Variants in TRAF3 observed in about 807,000 individuals in gnomAD.
TRAF3 encodes the protein TNF receptor associated factor 3.
TRAF3 carries 13 observed loss-of-function variants against 62.3 expected under a neutral mutation model. That is an observed-to-expected ratio of 0.21 (90% CI 0.14 to 0.33). The LOEUF (loss-of-function observed/expected upper bound fraction) is 0.33, where lower values mean the gene tolerates loss of function less well. Among genes scored for constraint, TRAF3 ranks in the 10% least tolerant of loss-of-function variants. TRAF3 has a pLI of 1.00. For missense variants in TRAF3, 440 were observed against 741.8 expected (o/e 0.59, Z 4.73); for synonymous variants, 269 against 283.4 (o/e 0.95, Z 0.51).
At chr14:102,852,957 A>G (rs971803040) in intron 2 of TRAF3, among the ~76,000 whole-genome samples, 15 of 152,154 alleles carry the variant, frequency 9.9e-5, no homozygotes, top group African/African-American at 3.4e-4. Flanking sequence ...GCAGCGGCAC[A>G]ATCTCGGCTT....
At chr14:102,878,620 G>T (rs1253252445) in intron 6 of TRAF3, among the ~76,000 whole-genome samples, 1 of 152,166 alleles carries the variant, frequency 6.6e-6, no homozygotes, top group Non-Finnish European at 1.5e-5. Context: ...GTGTAACATC[G>T]GGTAGTGATC....
intron 2 of TRAF3, among the ~76,000 whole-genome samples, chr14:102,856,766 A>G (rs1887397385): frequency 6.6e-6 from 1 of 152,088 alleles, no homozygotes; most frequent in South Asian, 2.1e-4. Flanking sequence ...TAACAGTCGT[A>G]GAGGGACAAA....
chr14:102,851,511 G>T (rs189156031), intron 2 of TRAF3, among the ~76,000 whole-genome samples: 151 of 152,310 alleles, frequency 9.9e-4, no homozygotes, highest in African/African-American at 3.6e-3. Flanking sequence ...TTGGGAGGCC[G>T]AGGTGGGCGG....
chr14:102,891,706 C>G (rs1889724312), intron 9 of TRAF3, among the ~76,000 whole-genome samples: 1 of 151,792 alleles, frequency 6.6e-6, no homozygotes, highest in Non-Finnish European at 1.5e-5. Context: ...CCCCACCCTG[C>G]TGTTTTTTTT....
chr14:102,831,118 C>A (rs1392775212), intron 2 of TRAF3, among the ~76,000 whole-genome samples: 9 of 152,176 alleles, frequency 5.9e-5, no homozygotes, highest in Admixed American at 5.9e-4. Flanking sequence ...TCTCCCTATT[C>A]TTCTCACATG....
At chr14:102,895,703 G>A (rs184908586) in intron 9 of TRAF3, among the ~76,000 whole-genome samples, 26 of 152,316 alleles carry the variant, frequency 1.7e-4, no homozygotes, top group East Asian at 9.6e-4. Context: ...AGAAACCCTC[G>A]TTGGAGTTAC....
chr14:102,868,785 TA>T (rs1426931923), intron 2 of TRAF3, among the ~76,000 whole-genome samples: 1 of 152,230 alleles, frequency 6.6e-6, no homozygotes, highest in African/African-American at 2.4e-5. Flanking sequence ...GTGTAATTTT[TA>T]CTAAAGCTCA....
chr14:102,905,499 T>C lies in TRAF3; in HGVS notation c.1422T>C (p.Phe474=), dbSNP rs756286665. 1 of 1,614,214 alleles carries C rather than the reference T, an allele frequency of 6.2e-7. No individual in the cohort carries two copies. The highest frequency in any genetic ancestry group is 1.1e-5 in the South Asian group (1 of 91,082). ...GGAAGGGGACGCACTTGTCGCTGTT[T>C]TTTGTCATCATGCGTGGAGAATATG... ...GMGKGTHLSL[F]FVIMRGEYDA... Residue 474 remains phenylalanine, a synonymous_variant, in exon 12 of 12, where the codon TTT becomes TTC. Coordinates refer to ENST00000392745, the MANE Select transcript of TRAF3 (RefSeq NM_145725.3).
chr14:102,840,945 C>T (rs1886340112), intron 2 of TRAF3, among the ~76,000 whole-genome samples: 1 of 152,162 alleles, frequency 6.6e-6, no homozygotes, highest in African/African-American at 2.4e-5. Flanking sequence ...CTATAAAGGG[C>T]TGTATAGTAA....
intron 1 of TRAF3, among the ~76,000 whole-genome samples, chr14:102,824,395 C>T (rs1900167772): frequency 1.3e-5 from 2 of 152,328 alleles, no homozygotes; most frequent in South Asian, 4.1e-4. Flanking sequence ...TGTATCTAAG[C>T]CAAATAAATT....
chr14:102,876,213 A>G (rs900973923), intron 5 of TRAF3, 145 bp from the exon 6 acceptor site: 2 of 804,282 alleles, frequency 2.5e-6, no homozygotes, highest in Admixed American at 4.2e-5. Context: ...CTCTTGGCAT[A>G]CTTGTTACTC....
chr14:102,779,800 C>CT (rs1897195954), intron 1 of TRAF3, among the ~76,000 whole-genome samples: 1 of 152,244 alleles, frequency 6.6e-6, no homozygotes, highest in Admixed American at 6.5e-5. Flanking sequence ...TTGCCCAACT[C>CT]TATTTTCTCA....
intron 1 of TRAF3, among the ~76,000 whole-genome samples, chr14:102,778,338 C>A (rs1021388074): frequency 2.6e-5 from 4 of 152,074 alleles, no homozygotes; most frequent in East Asian, 3.9e-4. Flanking sequence ...GCCGGTTCCA[C>A]GCCGCCAGCC....
chr14:102,834,750 AAGATGGATT>A (rs2139648766), intron 2 of TRAF3, among the ~76,000 whole-genome samples: 1 of 151,984 alleles, frequency 6.6e-6, no homozygotes, highest in African/African-American at 2.4e-5. Context: ...AAATCAACAA[AAGATGGATT>A]AAAGACTGAA....
At chr14:102,898,679 G>T (rs1460791742) in intron 10 of TRAF3, among the ~76,000 whole-genome samples, 2 of 152,250 alleles carry the variant, frequency 1.3e-5, no homozygotes, top group Non-Finnish European at 2.9e-5. Flanking sequence ...CAAAAAGTTA[G>T]AATATACACA....
chr14:102,796,215 AAAAC>A (rs762972026), intron 1 of TRAF3, among the ~76,000 whole-genome samples: 16 of 152,368 alleles, frequency 1.1e-4, no homozygotes, highest in Middle Eastern at 3.4e-3. Flanking sequence ...GACTGTCTCA[AAAAC>A]AAACAAACAA....
intron 1 of TRAF3, among the ~76,000 whole-genome samples, chr14:102,823,006 C>CA (rs113907707): frequency 0.24 from 30,681 of 128,622 alleles, 3,414 homozygotes; most frequent in East Asian, 0.41. Context: ...AACTCCATCT[C>CA]AAAAAAAAAA....
Position 102,905,854 on chromosome 14 carries a change from T to C in TRAF3, c.*70T>C. On this transcript the variant is annotated 3_prime_UTR_variant, in exon 12 of 12. Transcript: ENST00000392745. Reference sequence around the variant, plus strand: ...GGGATTTGAACCGGTCTGTCTTCACTGAGGTCCTCGCGCTCAGAAAAGGAC... The same window carrying C: ...GGGATTTGAACCGGTCTGTCTTCACCGAGGTCCTCGCGCTCAGAAAAGGAC... 3 of 1,415,212 alleles carry C rather than the reference T, an allele frequency of 2.1e-6. No homozygotes were observed. The South Asian group carries it at 3.7e-5, about 18-fold the overall frequency. The allele number at this position is 1,415,212 out of a possible 1,614,324, so 87.7% of individuals were successfully genotyped here.
intron 2 of TRAF3, among the ~76,000 whole-genome samples, chr14:102,850,121 TAAAAC>T (rs1434431390): frequency 2.0e-5 from 3 of 152,132 alleles, no homozygotes; most frequent in East Asian, 1.9e-4. Flanking sequence ...CTGGGGAACA[TAAAAC>T]AAATCATTAG....
Sources: allele counts gnomAD v4.1 joint callset (sites outside exome capture counted in the v4.1 genomes callset), GRCh38; gene constraint gnomAD v4.1.1; transcripts MANE v1.5; gene names NCBI Gene and HGNC (gene_info 2026-07-23, HGNC 2026-07-21).